Variants in EYS observed in about 807,000 individuals in gnomAD.
The protein encoded by EYS is protein eyes shut homolog.
In EYS, 250 loss-of-function variants were observed where a neutral mutation model predicts 282.1. The ratio of observed to expected loss-of-function variants is 0.89; its 90% confidence interval spans 0.80 to 0.98. The LOEUF (loss-of-function observed/expected upper bound fraction) is 0.98, where lower values mean the gene tolerates loss of function less well. EYS is among the 50% of genes least tolerant of loss of function. EYS has a pLI of 0.00. For missense variants in EYS, 4,016 were observed against 3,709.0 expected (o/e 1.08, Z -2.15); for synonymous variants, 1,355 against 1,282.9 (o/e 1.06, Z -1.20).
At chr6:64,629,026 TC>T (rs922507179) in intron 22 of EYS, among the ~76,000 whole-genome samples, 4 of 152,174 alleles carry the variant, frequency 2.6e-5, no homozygotes, top group African/African-American at 9.7e-5. Flanking sequence ...TTATCTAATG[TC>T]TTTTGTTTCT....
intron 30 of EYS, among the ~76,000 whole-genome samples, chr6:64,256,015 A>G (rs1395189593): frequency 1.3e-5 from 2 of 152,026 alleles, no homozygotes; most frequent in African/African-American, 2.4e-5. Context: ...TGATTCAGCA[A>G]TGAATATCCT....
chr6:65,641,357 G>A (rs945322264), intron 1 of EYS, among the ~76,000 whole-genome samples: 7 of 152,164 alleles, frequency 4.6e-5, no homozygotes, highest in African/African-American at 1.7e-4. Context: ...AGATGCAAAG[G>A]CAATACCCTG....
At chr6:63,958,414 G>A (rs1258218063) in intron 35 of EYS, among the ~76,000 whole-genome samples, 1 of 96,090 alleles carries the variant, frequency 1.0e-5, no homozygotes, top group Non-Finnish European at 2.8e-5. Context: ...CACGAGGTTT[G>A]CTATGGTTTG....
chr6:64,381,092 T>C (rs1772733509), intron 29 of EYS, among the ~76,000 whole-genome samples: 1 of 151,962 alleles, frequency 6.6e-6, no homozygotes. Context: ...CATACAAATA[T>C]ATAATGGATA....
intron 13 of EYS, among the ~76,000 whole-genome samples, chr6:65,045,697 T>C (rs945479902): frequency 1.3e-5 from 2 of 151,850 alleles, no homozygotes; most frequent in Non-Finnish European, 2.9e-5. Context: ...CAAATATGTT[T>C]GTTGTTTATA....
At chr6:64,107,834 T>C (rs563503560) in intron 31 of EYS, among the ~76,000 whole-genome samples, 4 of 152,104 alleles carry the variant, frequency 2.6e-5, no homozygotes, top group East Asian at 3.9e-4. Flanking sequence ...TCTATAGCTA[T>C]GATTAGGCCT....
At chr6:63,963,110 G>A (rs1766150393) in intron 35 of EYS, among the ~76,000 whole-genome samples, 1 of 150,612 alleles carries the variant, frequency 6.6e-6, no homozygotes, top group African/African-American at 2.4e-5. Flanking sequence ...GGCCTGTTGT[G>A]GGGTGGGGGG....
At chr6:64,253,598 T>G (rs1396137706) in intron 30 of EYS, among the ~76,000 whole-genome samples, 1 of 152,124 alleles carries the variant, frequency 6.6e-6, no homozygotes, top group Non-Finnish European at 1.5e-5. Flanking sequence ...TTTTTTTAGC[T>G]GTCACATCAC....
chr6:64,470,410 A>T (rs1382651042), intron 26 of EYS, among the ~76,000 whole-genome samples: 1 of 152,210 alleles, frequency 6.6e-6, no homozygotes, highest in Non-Finnish European at 1.5e-5. Context: ...AACAAAATAG[A>T]TATTATTTAA....
intron 2 of EYS, among the ~76,000 whole-genome samples, chr6:65,575,264 G>T (rs1164972127): frequency 3.3e-5 from 5 of 151,680 alleles, no homozygotes; most frequent in African/African-American, 7.3e-5. Flanking sequence ...GAGGTGGAAG[G>T]TGCAGTGAGC....
At chr6:65,597,508 C>A (rs552903974) in intron 2 of EYS, among the ~76,000 whole-genome samples, 125 of 152,172 alleles carry the variant, frequency 8.2e-4, no homozygotes, top group African/African-American at 2.8e-3. Flanking sequence ...TGGATAGACA[C>A]CCCCAAACTG....
intron 22 of EYS, among the ~76,000 whole-genome samples, chr6:64,686,811 A>ATATATGTGTG (rs1770139263): frequency 3.1e-5 from 1 of 31,996 alleles, no homozygotes; most frequent in Non-Finnish European, 8.0e-5. Flanking sequence ...ATATGTGTGT[A>ATATATGTGTG]TATATATATG....
chr6:63,946,500 T>G (rs1270946493), intron 35 of EYS, among the ~76,000 whole-genome samples: 1 of 152,156 alleles, frequency 6.6e-6, no homozygotes, highest in African/African-American at 2.4e-5. Flanking sequence ...CCTATTCACT[T>G]TTCATTAAGT....
chr6:64,300,608 TCAAA>T (rs1267095990), intron 30 of EYS, among the ~76,000 whole-genome samples: 2 of 152,048 alleles, frequency 1.3e-5, no homozygotes, highest in South Asian at 2.1e-4. Context: ...TATGGAACAA[TCAAA>T]CAGCCCCTGG....
At chr6:64,024,809 A>G (rs1486663191) in intron 33 of EYS, among the ~76,000 whole-genome samples, 2 of 152,084 alleles carry the variant, frequency 1.3e-5, no homozygotes, top group African/African-American at 4.8e-5. Flanking sequence ...AGAAGGAAGA[A>G]ACTCCAAACA....
intron 31 of EYS, among the ~76,000 whole-genome samples, chr6:64,134,404 A>T (rs1382224259): frequency 6.6e-6 from 1 of 152,084 alleles, no homozygotes; most frequent in Admixed American, 6.6e-5. Flanking sequence ...TAATAATAGC[A>T]AATACTAAAA....
intron 35 of EYS, among the ~76,000 whole-genome samples, chr6:63,910,914 C>T (rs1764227416): frequency 6.6e-6 from 1 of 151,996 alleles, no homozygotes; most frequent in South Asian, 2.1e-4. Context: ...AATTACTCAG[C>T]ATTAATTAAA....
rs571083910 is a variant in EYS, at chr6:65,188,059, T to G, written c.2023+107804A>C. Among the ~76,000 whole-genome samples the G allele has an allele frequency of 4.6e-5, 7 of 151,778 alleles. No homozygotes were observed. The South Asian group carries it at 1.5e-3, about 31-fold the overall frequency. On this transcript the variant is annotated intron_variant, in intron 12 of 42. Transcript: ENST00000503581. The stretch of plus-strand genomic sequence containing the variant: ...ATTCAAATTTGCTTTCAAGTCTCTT[T>G]TTAAAATAACTGTTTTTACTATTCA...
At chr6:65,038,959 A>C (rs4507564) in intron 13 of EYS, among the ~76,000 whole-genome samples, 51,529 of 151,182 alleles carry the variant, frequency 0.34, 10,763 homozygotes, top group Admixed American at 0.47. Flanking sequence ...TGTGTTTGTA[A>C]GTATTTTCTC....
Sources: allele counts gnomAD v4.1 joint callset (sites outside exome capture counted in the v4.1 genomes callset), GRCh38; gene constraint gnomAD v4.1.1; transcripts MANE v1.5; gene names NCBI Gene and HGNC (gene_info 2026-07-23, HGNC 2026-07-21).